The following LTBP1 variants were observed in gnomAD, a reference collection of about 807,000 sequenced individuals.
LTBP1 encodes latent-transforming growth factor beta-binding protein 1.
A neutral mutation model predicts 207.6 loss-of-function variants in LTBP1; 129 were observed. The ratio of observed to expected loss-of-function variants is 0.62; its 90% confidence interval spans 0.54 to 0.72. The LOEUF is 0.72. LTBP1 is among the 30% of genes least tolerant of loss of function. The pLI is 0.00. For missense variants in LTBP1, 2,281 were observed against 2,217.2 expected, an observed-to-expected ratio of 1.03 and a Z score of -0.58; for synonymous variants, 963 against 833.7, an observed-to-expected ratio of 1.16 and a Z score of -2.67.
At chr2:33,255,461 A>T (rs1318898414) in intron 11 of LTBP1, among the ~76,000 whole-genome samples, 1 of 152,088 alleles carries the variant, frequency 6.6e-6, no homozygotes. Flanking sequence ...ATACCATTTG[A>T]CCCAGCCATC....
chr2:33,050,757 C>T (rs1001031535), intron 3 of LTBP1, among the ~76,000 whole-genome samples: 10 of 149,812 alleles, frequency 6.7e-5, no homozygotes, highest in South Asian at 2.1e-4. Flanking sequence ...TTTTTGAGAC[C>T]GAGTCTCGCT....
rs1319556440 is a variant in LTBP1, at chr2:33,349,883, CT to C, written c.4000+2374del. Among the ~76,000 whole-genome samples, 3 of 152,186 alleles carry C rather than the reference CT, an allele frequency of 2.0e-5. No individual in the cohort carries two copies. In the East Asian group the frequency reaches 5.8e-4, roughly 29 times the overall value. ...ACCTAGGTGAGTCTTGGTTTGTGTA[CT>C]GCACAGCCTGTAGGAGCAGAAGTGT... On this transcript the variant is annotated intron_variant, in intron 26 of 33. Coordinates refer to ENST00000404816, the MANE Select transcript of LTBP1 (RefSeq NM_206943.4).
chr2:33,314,623 T>A (rs1469822191), intron 23 of LTBP1, among the ~76,000 whole-genome samples: 1 of 152,136 alleles, frequency 6.6e-6, no homozygotes, highest in Non-Finnish European at 1.5e-5. Flanking sequence ...TAGATTGGAG[T>A]CTATTTCATT....
At chr2:33,002,437 A>C (rs1686170804) in intron 2 of LTBP1, among the ~76,000 whole-genome samples, 1 of 152,150 alleles carries the variant, frequency 6.6e-6, no homozygotes, top group Non-Finnish European at 1.5e-5. Context: ...GCTTTAGGAT[A>C]AATACTTCCA....
intron 16 of LTBP1, 99 bp downstream of exon 16, chr2:33,273,880 T>G: frequency 8.9e-7 from 1 of 1,122,240 alleles, no homozygotes; most frequent in Non-Finnish European, 1.2e-6. Context: ...GGGAAAGTGT[T>G]ACTGGTTTAA....
In LTBP1 at chr2:33,342,945, G is replaced by A. The variant is rs140281612; in HGVS notation, c.3838G>A (p.Asp1280Asn). 1.0e-4 allele frequency: 167 copies of A among 1,613,798 alleles called. No individual in the cohort carries two copies. In the African/African-American group the frequency reaches 1.9e-3, roughly 18 times the overall value. The part of the protein sequence containing the change: ...LCYQGFQAPQ[D>N]GQGCVDVNEC... The stretch of plus-strand genomic sequence containing the variant: ...TTATCAGGGCTTTCAAGCCCCACAG[G>A]ATGGGCAAGGGTGTGTGGGTGAGTT... Residue 1280 changes from aspartate (D) to asparagine (N), a missense_variant, in exon 25 of 34, where the codon GAT (aspartate) becomes AAT (asparagine). Coordinates refer to ENST00000404816, the MANE Select transcript of LTBP1 (RefSeq NM_206943.4).
intron 2 of LTBP1, among the ~76,000 whole-genome samples, chr2:32,961,875 G>C (rs1230351065): frequency 1.3e-5 from 2 of 151,540 alleles, no homozygotes; most frequent in East Asian, 3.9e-4. Context: ...GAACCAGGAG[G>C]TGGAGGTTGC....
chr2:33,320,141 G>A (rs1370854929), intron 24 of LTBP1, among the ~76,000 whole-genome samples: 2 of 152,158 alleles, frequency 1.3e-5, no homozygotes, highest in Non-Finnish European at 2.9e-5. Context: ...GGCTGAGGCG[G>A]GTGGATCACT....
chr2:32,978,666 ATT>A (rs375742867), intron 2 of LTBP1, among the ~76,000 whole-genome samples: 7 of 115,636 alleles, frequency 6.1e-5, no homozygotes, highest in African/African-American at 9.8e-5. Flanking sequence ...TTTTTTTTTA[ATT>A]TTTTTTTTTT....
intron 10 of LTBP1, among the ~76,000 whole-genome samples, chr2:33,251,855 A>T (rs2092696386): frequency 6.6e-6 from 1 of 152,010 alleles, no homozygotes; most frequent in Non-Finnish European, 1.5e-5. Context: ...AATACACTCC[A>T]TCCATATTTG....
intron 7 of LTBP1, among the ~76,000 whole-genome samples, chr2:33,192,161 G>T (rs1026975872): frequency 6.6e-6 from 1 of 152,130 alleles, no homozygotes; most frequent in Admixed American, 6.5e-5. Context: ...AATAGCTTGG[G>T]ATTCTTGGCA....
At chr2:33,067,943 G>A (rs2077601786) in intron 3 of LTBP1, among the ~76,000 whole-genome samples, 1 of 152,138 alleles carries the variant, frequency 6.6e-6, no homozygotes, top group Admixed American at 6.5e-5. Context: ...AATCTGAAAT[G>A]TAGCAACATA....
chr2:33,266,798 C>T (rs2093192811), intron 15 of LTBP1, among the ~76,000 whole-genome samples: 1 of 152,150 alleles, frequency 6.6e-6, no homozygotes, highest in African/African-American at 2.4e-5. Flanking sequence ...CCTTGCTCAC[C>T]CTCCAGTTTT....
chr2:33,137,409 T>C (rs1381070379), intron 5 of LTBP1, among the ~76,000 whole-genome samples: 1 of 152,216 alleles, frequency 6.6e-6, no homozygotes, highest in East Asian at 1.9e-4. Context: ...GCAAACTCTT[T>C]TTGTAAAGGG....
chr2:33,097,794 G>A (rs989592658), intron 3 of LTBP1, among the ~76,000 whole-genome samples: 2 of 152,106 alleles, frequency 1.3e-5, no homozygotes, highest in African/African-American at 4.8e-5. Flanking sequence ...AGCATTGACA[G>A]GATTCATTTT....
intron 7 of LTBP1, among the ~76,000 whole-genome samples, chr2:33,189,748 G>A (rs2087629002): frequency 6.6e-6 from 1 of 152,056 alleles, no homozygotes; most frequent in Non-Finnish European, 1.5e-5. Context: ...AATTCAGGCC[G>A]GGTGCTGTGG....
intron 3 of LTBP1, among the ~76,000 whole-genome samples, chr2:33,061,086 T>C (rs2077248988): frequency 6.6e-6 from 1 of 152,138 alleles, no homozygotes; most frequent in Non-Finnish European, 1.5e-5. Context: ...ATAAGGCAAT[T>C]GAAGTATTTA....
At chr2:33,201,195 G>T (rs10188467) in intron 7 of LTBP1, among the ~76,000 whole-genome samples, 2 of 151,938 alleles carry the variant, frequency 1.3e-5, no homozygotes, top group African/African-American at 4.8e-5. Context: ...TATTGCGGCA[G>T]TATTCACAAT....
chr2:33,086,683 C>G (rs1046102212), intron 3 of LTBP1, among the ~76,000 whole-genome samples: 4 of 152,128 alleles, frequency 2.6e-5, no homozygotes, highest in Non-Finnish European at 4.4e-5. Context: ...TGATGTAATC[C>G]TTTAACTATT....
Sources: allele counts gnomAD v4.1 joint callset (sites outside exome capture counted in the v4.1 genomes callset), GRCh38; gene constraint gnomAD v4.1.1; transcripts MANE v1.5; gene names NCBI Gene and HGNC (gene_info 2026-07-23, HGNC 2026-07-21).